RAPGEF1: variants seen among roughly 807,000 people sequenced by gnomAD.
RAPGEF1 encodes CRK SH3-binding GNRP.
In RAPGEF1, 33 loss-of-function variants were observed where a neutral mutation model predicts 143.3. The observed-to-expected ratio is 0.23, with a 90% CI of 0.17 to 0.31. The LOEUF (loss-of-function observed/expected upper bound fraction) is 0.31, where lower values mean the gene tolerates loss of function less well. Ranked by LOEUF, RAPGEF1 falls within the 10% of genes least tolerant of loss-of-function variation. The pLI is 1.00. For synonymous variants in RAPGEF1, 629 were observed against 676.5 expected (o/e 0.93, Z 1.09); for missense variants, 1,199 against 1,645.4 (o/e 0.73, Z 4.69).
At position 131,621,199 on chromosome 9, in the gene RAPGEF1, G is replaced by A. The variant is rs1960876370; in HGVS notation, c.1905+597C>T. 1.3e-5 allele frequency among the ~76,000 whole-genome samples: 2 copies of A among 152,228 alleles called. No homozygotes were observed. The highest frequency in any genetic ancestry group is 1.3e-4 in the Admixed American group (2 of 15,288). ...AACAGCTTGCCTTCTGTGCTGGCCC[G>A]TGCTTCCTTACATGCACAGGAGTCC... On this transcript the variant is annotated intron_variant, in intron 11 of 26. Coordinates refer to ENST00000683357, the MANE Select transcript of RAPGEF1 (RefSeq NM_001377935.1). This position sits in a 1 kb window ranked among gnomAD's most constrained non-coding sequence, Gnocchi z 4.5.
rs750494281 is a variant in RAPGEF1, at chr9:131,630,273, G to T, written c.703C>A (p.Pro235Thr). 6 of 1,613,586 alleles carry T rather than the reference G, an allele frequency of 3.7e-6. No homozygotes were observed. Among genetic ancestry groups the T allele is most frequent in the African/African-American group, 1.3e-5 (1 of 74,814 alleles). The change falls in exon 6 of 27, where the codon CCC (proline) becomes ACC (threonine). Residue 235 changes from proline to threonine, a missense_variant. Physicochemically the swap from Pro to Thr is conservative, Grantham distance 38 (BLOSUM62 -1). Around this residue, in one of 6 missense-constraint regions of RAPGEF1, gnomAD observed 613 missense variants for 710.9 expected, o/e 0.86. Transcript: ENST00000683357. ...CTGGCAGGGGAACTGGGCTTCACGGGGCTCGTCGGAGACGGACGTCCCTGC... is the reference window on the plus strand; with the variant it reads ...CTGGCAGGGGAACTGGGCTTCACGGTGCTCGTCGGAGACGGACGTCCCTGC... ...EKQGRPSPTS[P>T]VKPSSPASKP...
intron 1 of RAPGEF1, among the ~76,000 whole-genome samples, chr9:131,720,970 T>C (rs17148219): frequency 0.011 from 1,629 of 152,338 alleles, 26 homozygotes; most frequent in African/African-American, 0.038. Context: ...ATCTGGTTGT[T>C]ATATGTACAT....
At chr9:131,715,526 A>G (rs1835800168) in intron 1 of RAPGEF1, among the ~76,000 whole-genome samples, 1 of 152,034 alleles carries the variant, frequency 6.6e-6, no homozygotes, top group African/African-American at 2.4e-5. Context: ...TTCTGGGAAG[A>G]GAGGTCTATG....
intron 19 of RAPGEF1, 70 bp downstream of exon 19, chr9:131,589,816 A>T (rs1207419263): frequency 1.4e-6 from 2 of 1,418,538 alleles, no homozygotes; most frequent in Admixed American, 3.4e-5. Flanking sequence ...GCCGATGGGC[A>T]GGAGAAGCAG....
chr9:131,643,272 G>A lies in RAPGEF1; in HGVS notation c.461C>T (p.Pro154Leu). The part of the protein sequence containing the change: ...SASKVLEAIL[P>L]LVQNDPRIQH... ...AATTCGAGGATCGTTCTGCACCAGG[G>A]GTAAGATGGCCTCCAGCACCTTGCT... is the stretch of plus-strand genomic sequence containing the variant. Residue 154 changes from proline to leucine, a missense_variant, in exon 4 of 27, where the codon CCC (proline) becomes CTC (leucine). Around this residue, in one of 6 missense-constraint regions of RAPGEF1, gnomAD observed 613 missense variants for 710.9 expected, o/e 0.86. Coordinates refer to ENST00000683357, the MANE Select transcript of RAPGEF1 (RefSeq NM_001377935.1). The A allele has an allele frequency of 1.2e-6, 2 of 1,612,770 alleles. No homozygotes were observed. Among genetic ancestry groups the A allele is most frequent in the South Asian group, 1.1e-5 (1 of 90,880 alleles).
intron 1 of RAPGEF1, among the ~76,000 whole-genome samples, chr9:131,736,537 G>A (rs1291933486): frequency 6.6e-6 from 1 of 152,238 alleles, no homozygotes; most frequent in Non-Finnish European, 1.5e-5. Context: ...GCCAGGCACT[G>A]CTGCATGAGA....
rs972675664 is a variant in RAPGEF1, at chr9:131,643,368, C to T, written c.365G>A (p.Arg122His). Residue 122 changes from arginine (R) to histidine (H), a missense_variant, in exon 4 of 27, where the codon CGC becomes CAC. Arg to His is a conservative substitution (Grantham distance 29). Around this residue, in one of 6 missense-constraint regions of RAPGEF1, gnomAD observed 613 missense variants for 710.9 expected, o/e 0.86. Transcript: ENST00000683357. The part of the protein sequence containing the change: ...EKEKEVVSAL[R>H]YFKTIVDKMA... ...TTTGTCCACAATGGTCTTAAAGTAG[C>T]GCAGGGCACTGACAACTTCCTTCTC... 12 of 1,613,662 alleles carry T rather than the reference C, an allele frequency of 7.4e-6. No individual in the cohort carries two copies. Among genetic ancestry groups the T allele is most frequent in the Admixed American group, 1.7e-5 (1 of 59,968 alleles).
In RAPGEF1 at chr9:131,726,954, C is replaced by T. The variant is rs757658746; in HGVS notation, c.61+12816G>A. 1.1e-4 allele frequency among the ~76,000 whole-genome samples: 16 copies of T among 152,134 alleles called. 1 individual carries two copies. Among genetic ancestry groups the T allele is most frequent in the African/African-American group, 2.4e-4 (10 of 41,482 alleles). ...AGGAGGTCGAGGCTGCTGTGAGCCA[C>T]GATGGTACCACTGCACTCTAGCCTG... On this transcript the variant is annotated intron_variant, in intron 1 of 26. Transcript: ENST00000683357.
Position 131,689,766 on chromosome 9 carries a change from G to A in RAPGEF1, c.62-38817C>T, listed in dbSNP as rs563925910. 3.7e-3 allele frequency among the ~76,000 whole-genome samples: 570 copies of A among 152,266 alleles called. 7 individuals are homozygous for A. Among genetic ancestry groups the A allele is most frequent in the African/African-American group, 0.013 (544 of 41,540 alleles). ...TTGTCCAGGCTGGTCTCCAACTCCT[G>A]AGCTCAGGCAATCCGACCGCCTCGG... On this transcript the variant is annotated intron_variant, in intron 1 of 26. Transcript: ENST00000683357.
At position 131,733,678 on chromosome 9, in the gene RAPGEF1, C is replaced by T. The variant is rs531973537; in HGVS notation, c.61+6092G>A. On this transcript the variant is annotated intron_variant, in intron 1 of 26. Coordinates refer to ENST00000683357, the MANE Select transcript of RAPGEF1 (RefSeq NM_001377935.1). Reference sequence around the variant, plus strand: ...AGGAACACCTGTCCCGGCGGCGAGGCGGCCGCGGGGTGGGGCAGGCGGTGG... The same window carrying T: ...AGGAACACCTGTCCCGGCGGCGAGGTGGCCGCGGGGTGGGGCAGGCGGTGG... Among the ~76,000 whole-genome samples the T allele has an allele frequency of 1.0e-3, 159 of 152,246 alleles. 1 individual carries two copies. The highest frequency in any genetic ancestry group is 3.7e-3 in the African/African-American group (152 of 41,560).
intron 1 of RAPGEF1, among the ~76,000 whole-genome samples, chr9:131,703,885 C>G (rs1292526397): frequency 6.6e-6 from 1 of 152,120 alleles, no homozygotes; most frequent in Non-Finnish European, 1.5e-5. Context: ...GGAGAATTAC[C>G]CAAACTCACA....
At chr9:131,610,561 A>G (rs766339953) in intron 12 of RAPGEF1, among the ~76,000 whole-genome samples, 4 of 152,260 alleles carry the variant, frequency 2.6e-5, no homozygotes, top group Non-Finnish European at 4.4e-5. Context: ...AGCAAAACAG[A>G]TAAGCTATTG....
intron 5 of RAPGEF1, among the ~76,000 whole-genome samples, chr9:131,634,959 G>A (rs1249189714): frequency 1.3e-5 from 2 of 152,036 alleles, no homozygotes; most frequent in African/African-American, 4.8e-5. Context: ...AACATTGAGG[G>A]TCTTTAAATT....
chr9:131,649,466 G>A (rs1161861293), intron 3 of RAPGEF1, among the ~76,000 whole-genome samples: 1 of 152,064 alleles, frequency 6.6e-6, no homozygotes, highest in Admixed American at 6.5e-5. Context: ...AGACTCTGAC[G>A]TCAGACAGCC....
At chr9:131,588,719 T>C in intron 20 of RAPGEF1, 82 bp downstream of exon 20, 2 of 1,400,282 alleles carry the variant, frequency 1.4e-6, no homozygotes, top group South Asian at 2.8e-5. Context: ...GATGGGGCTG[T>C]GGGGCTGGCA....
At chr9:131,715,372 C>T (rs2131241748) in intron 1 of RAPGEF1, among the ~76,000 whole-genome samples, 1 of 152,118 alleles carries the variant, frequency 6.6e-6, no homozygotes, top group African/African-American at 2.4e-5. Flanking sequence ...GGCAAAGGGG[C>T]AGTGTGTATG....
intron 1 of RAPGEF1, among the ~76,000 whole-genome samples, chr9:131,706,407 C>T (rs539964902): frequency 2.6e-5 from 4 of 152,130 alleles, no homozygotes; most frequent in East Asian, 1.9e-4. Flanking sequence ...GGACTACTTG[C>T]GCGCGCCACC....
intron 1 of RAPGEF1, among the ~76,000 whole-genome samples, chr9:131,729,005 G>C (rs574266796): frequency 6.6e-6 from 1 of 152,188 alleles, no homozygotes; most frequent in Non-Finnish European, 1.5e-5. Flanking sequence ...TGACACAGGA[G>C]GGCTGGTATC....
At chr9:131,590,048 TG>T (rs1164045250) in intron 18 of RAPGEF1, 70 bp from the exon 19 acceptor site, 1 of 1,377,784 alleles carries the variant, frequency 7.3e-7, no homozygotes, top group Non-Finnish European at 1.0e-6. Context: ...TGACTCCTGG[TG>T]ACCACTCACT....
Sources: gnomAD v4.1 joint callset for allele counts (sites outside exome capture counted in the v4.1 genomes callset) on GRCh38, gnomAD v4.1.1 for gene constraint, gnomAD v4.1.1 regional missense constraint, Gnocchi (gnomAD v3.1) non-coding constraint, MANE v1.5 for transcripts, NCBI Gene and HGNC (gene_info 2026-07-23, HGNC 2026-07-21) for gene names.